Variants in CPVL observed in about 807,000 individuals in gnomAD.
The protein encoded by CPVL is probable serine carboxypeptidase CPVL.
Under a neutral mutation model 63.7 loss-of-function variants are expected in CPVL, and 51 were observed. That is an observed-to-expected ratio of 0.80 (90% confidence interval 0.64 to 1.01). The LOEUF (loss-of-function observed/expected upper bound fraction) is 1.01, where lower values mean the gene tolerates loss of function less well. Among genes scored for constraint, CPVL ranks in the 50% least tolerant of loss-of-function variants. The pLI is 0.00. For synonymous variants in CPVL, 195 were observed against 206.0 expected, an observed-to-expected ratio of 0.95 and a Z score of 0.46; for missense variants, 530 against 573.1, an observed-to-expected ratio of 0.92 and a Z score of 0.77.
At chr7:29,085,136 T>C (rs369632733) in intron 7 of CPVL, among the ~76,000 whole-genome samples, 2 of 152,214 alleles carry the variant, frequency 1.3e-5, no homozygotes, top group African/African-American at 4.8e-5. Context: ...ACTTAGTGCT[T>C]AGCACTTGCT....
chr7:29,018,202 C>T (rs937122974), intron 12 of CPVL, among the ~76,000 whole-genome samples: 1 of 151,320 alleles, frequency 6.6e-6, no homozygotes, highest in Admixed American at 6.6e-5. Context: ...AACATTTTTT[C>T]AATATTTATA....
chr7:29,185,956 G>A (rs1174911367), intron 2 of CPVL, among the ~76,000 whole-genome samples: 4 of 152,168 alleles, frequency 2.6e-5, no homozygotes, highest in South Asian at 4.1e-4. Flanking sequence ...TGTGAAAATC[G>A]TTATTTAATT....
intron 5 of CPVL, among the ~76,000 whole-genome samples, chr7:29,159,289 A>C (rs1794854272): frequency 1.3e-5 from 2 of 152,178 alleles, no homozygotes. Context: ...GTGGTTTTCC[A>C]CTATCCACAG....
rs868258469 is a variant in CPVL at position 29,163,735 on chromosome 7, T to C, written c.-11+17555A>G. 6.2e-4 allele frequency among the ~76,000 whole-genome samples: 95 copies of C among 152,348 alleles called. 1 individual carries two copies. The highest frequency in any genetic ancestry group is 2.1e-3 in the African/African-American group (89 of 41,582). On this transcript the variant is annotated intron_variant, in intron 5 of 16. Transcript: ENST00000409850. ...TCACCAGGCAATTGCTGATCAGCTT[T>C]CCATTACTATAGATTAGCTTGCATT...
chr7:29,045,088 G>T (rs561182069), intron 11 of CPVL, among the ~76,000 whole-genome samples: 1 of 152,202 alleles, frequency 6.6e-6, no homozygotes, highest in Non-Finnish European at 1.5e-5. Flanking sequence ...TTATTAAATG[G>T]CTTAATGAAA....
chr7:29,190,909 G>C (rs969633659), intron 1 of CPVL, among the ~76,000 whole-genome samples: 5 of 151,416 alleles, frequency 3.3e-5, no homozygotes, highest in African/African-American at 1.2e-4. Context: ...CAGGGGCTGG[G>C]CAAACAAGGA....
At chr7:29,006,448 A>C (rs1312620027) in intron 12 of CPVL, among the ~76,000 whole-genome samples, 1 of 152,212 alleles carries the variant, frequency 6.6e-6, no homozygotes, top group Non-Finnish European at 1.5e-5. Flanking sequence ...AAATTTGCAG[A>C]AAGGTGAGAA....
intron 3 of CPVL, among the ~76,000 whole-genome samples, chr7:29,100,143 A>G (rs530385524): frequency 1.5e-3 from 236 of 152,302 alleles, no homozygotes; most frequent in Non-Finnish European, 2.9e-3. Flanking sequence ...ATCTGGGTGG[A>G]AGGTAGCCCC....
At chr7:29,100,461 C>T (rs1157397728) in intron 3 of CPVL, among the ~76,000 whole-genome samples, 1 of 152,026 alleles carries the variant, frequency 6.6e-6, no homozygotes, top group Admixed American at 6.6e-5. Context: ...GGAGAGTTTG[C>T]CCTCTAAATA....
At chr7:29,072,197 T>C in intron 8 of CPVL, 104 bp downstream of exon 8, 2 of 1,297,788 alleles carry the variant, frequency 1.5e-6, no homozygotes, top group South Asian at 2.8e-5. Context: ...TCAACTGGTG[T>C]TTCCCTTATC....
chr7:29,015,501 GT>G (rs558047258), intron 12 of CPVL, among the ~76,000 whole-genome samples: 1 of 152,276 alleles, frequency 6.6e-6, no homozygotes, highest in South Asian at 2.1e-4. Flanking sequence ...GTTTAAAGGT[GT>G]GTGGCATCTC....
At chr7:29,003,153 T>TTCAC (rs1562717639) in intron 12 of CPVL, among the ~76,000 whole-genome samples, 8 of 93,896 alleles carry the variant, frequency 8.5e-5, no homozygotes, top group Admixed American at 5.6e-4. Context: ...TATGTGTATG[T>TTCAC]GCACACACAC....
intron 11 of CPVL, among the ~76,000 whole-genome samples, chr7:29,046,861 A>G (rs1789674723): frequency 6.6e-6 from 1 of 152,134 alleles, no homozygotes; most frequent in Admixed American, 6.5e-5. Flanking sequence ...ATGTTTAATT[A>G]TTTTTAAAAT....
chr7:29,039,970 G>T (rs1188208778), intron 11 of CPVL, among the ~76,000 whole-genome samples: 1 of 152,074 alleles, frequency 6.6e-6, no homozygotes, highest in Non-Finnish European at 1.5e-5. Context: ...GTGGTTTCCT[G>T]TTTGGGGAAA....
At chr7:29,017,301 A>G (rs1000653631) in intron 12 of CPVL, among the ~76,000 whole-genome samples, 5 of 152,210 alleles carry the variant, frequency 3.3e-5, no homozygotes, top group African/African-American at 1.2e-4. Flanking sequence ...TTGACATTAT[A>G]TGAACCTGGC....
intron 5 of CPVL, among the ~76,000 whole-genome samples, chr7:29,175,185 T>G (rs1262593420): frequency 1.3e-5 from 2 of 151,782 alleles, no homozygotes; most frequent in African/African-American, 4.8e-5. Flanking sequence ...TTTCCTTTTT[T>G]TTTTTTTGAG....
chr7:29,044,101 C>A (rs1259662824), intron 11 of CPVL, among the ~76,000 whole-genome samples: 2 of 152,058 alleles, frequency 1.3e-5, no homozygotes, highest in African/African-American at 4.8e-5. Context: ...ACCAAATCAG[C>A]CCCCTAGGAC....
chr7:29,146,708 TA>T, upstream of CPVL: 1 of 1,550,604 alleles, frequency 6.4e-7, no homozygotes, highest in Non-Finnish European at 8.7e-7. Flanking sequence ...GGTGGAATCT[TA>T]AAAATTAATG....
At chr7:29,153,979 T>C (rs1443346146) in intron 5 of CPVL, among the ~76,000 whole-genome samples, 1 of 152,234 alleles carries the variant, frequency 6.6e-6, no homozygotes, top group African/African-American at 2.4e-5. Context: ...TATGTTATAA[T>C]AAGGCTTCTG....
Sources: gnomAD v4.1 joint callset for allele counts (sites outside exome capture counted in the v4.1 genomes callset) on GRCh38, gnomAD v4.1.1 for gene constraint, MANE v1.5 for transcripts, NCBI Gene and HGNC (gene_info 2026-07-23, HGNC 2026-07-21) for gene names.